AGBL4: variants seen among roughly 807,000 people sequenced by gnomAD.
AGBL4 encodes the protein AGBL carboxypeptidase 4, also known as cytosolic carboxypeptidase 6.
In AGBL4, 58 loss-of-function variants were observed where a neutral mutation model predicts 66.4. The ratio of observed to expected loss-of-function variants is 0.87; its 90% CI spans 0.71 to 1.09. The LOEUF is 1.09. AGBL4 is among the 50% of genes least tolerant of loss of function. AGBL4 has a pLI of 0.00. For synonymous variants in AGBL4, 234 were observed against 222.9 expected (o/e 1.05, Z -0.44); for missense variants, 579 against 631.0 (o/e 0.92, Z 0.88).
intron 6 of AGBL4, chr1:48,761,359 T>C (rs1413891376): frequency 1.3e-6 from 2 of 1,551,966 alleles, no homozygotes; most frequent in Admixed American, 3.9e-5. Flanking sequence ...AAGCTGTAAA[T>C]CTTCTTCCCC....
At position 48,567,676 on chromosome 1, in the gene AGBL4, A is replaced by T. The variant is rs1018660896; in HGVS notation, c.1267+19328T>A. ...CTGCTCTCCACCACTGTCTGAGAGA[A>T]GGGGACCTGTTGGGGGCCTGAAGAA... On this transcript the variant is annotated intron_variant, in intron 11 of 13. Transcript: ENST00000371839. 3.3e-5 allele frequency among the ~76,000 whole-genome samples: 5 copies of T among 152,294 alleles called. No individual in the cohort carries two copies. In the South Asian group the frequency reaches 1.0e-3, roughly 32 times the overall value.
intron 3 of AGBL4, among the ~76,000 whole-genome samples, chr1:49,258,725 A>G (rs1338730126): frequency 6.6e-6 from 1 of 152,220 alleles, no homozygotes; most frequent in Non-Finnish European, 1.5e-5. Flanking sequence ...AAGTTGGAAA[A>G]CACTCTGCAG....
At chr1:49,920,319 A>G (rs1031360612) in intron 1 of AGBL4, among the ~76,000 whole-genome samples, 4 of 152,206 alleles carry the variant, frequency 2.6e-5, no homozygotes, top group African/African-American at 9.7e-5. Flanking sequence ...AGAATGGGAG[A>G]AAATTTTTGC....
At chr1:49,141,871 T>C (rs1646124418) in intron 4 of AGBL4, among the ~76,000 whole-genome samples, 1 of 152,172 alleles carries the variant, frequency 6.6e-6, no homozygotes, top group Non-Finnish European at 1.5e-5. Context: ...AAAGACTAAA[T>C]TTTCTGCTGG....
intron 3 of AGBL4, among the ~76,000 whole-genome samples, chr1:49,278,208 TC>T (rs1644208213): frequency 6.6e-6 from 1 of 152,122 alleles, no homozygotes; most frequent in Admixed American, 6.5e-5. Context: ...CTTTTTTTTT[TC>T]ATTTTGAAAA....
intron 3 of AGBL4, among the ~76,000 whole-genome samples, chr1:49,271,584 G>A (rs370876318): frequency 2.0e-5 from 3 of 149,818 alleles, no homozygotes; most frequent in South Asian, 2.1e-4. Flanking sequence ...TACTTTTGAC[G>A]TTCTCTCTTT....
chr1:48,610,390 G>A (rs375274506), intron 9 of AGBL4, among the ~76,000 whole-genome samples: 2 of 152,182 alleles, frequency 1.3e-5, no homozygotes, highest in South Asian at 4.1e-4. Flanking sequence ...AGACAGTAGA[G>A]ACTACAGTCA....
chr1:49,580,167 C>T (rs1398071596), intron 3 of AGBL4, among the ~76,000 whole-genome samples: 1 of 151,990 alleles, frequency 6.6e-6, no homozygotes, highest in Non-Finnish European at 1.5e-5. Flanking sequence ...TATGGAATAT[C>T]GTTTTCCATG....
At chr1:49,488,274 T>A (rs990424415) in intron 3 of AGBL4, among the ~76,000 whole-genome samples, 1 of 151,748 alleles carries the variant, frequency 6.6e-6, no homozygotes, top group Admixed American at 6.6e-5. Context: ...AGTTGTTATA[T>A]ATTCTTTGTC....
At chr1:49,857,976 A>G (rs1646475312) in intron 1 of AGBL4, among the ~76,000 whole-genome samples, 1 of 152,096 alleles carries the variant, frequency 6.6e-6, no homozygotes, top group African/African-American at 2.4e-5. Context: ...CAAAGGGACT[A>G]ACTCTCTAGA....
chr1:48,828,454 G>A (rs1221935791), intron 6 of AGBL4, among the ~76,000 whole-genome samples: 1 of 152,134 alleles, frequency 6.6e-6, no homozygotes, highest in Admixed American at 6.5e-5. Flanking sequence ...CAGGGTGAGA[G>A]TATCTTCCTA....
At chr1:48,935,994 A>AAG (rs1553127217) in intron 5 of AGBL4, among the ~76,000 whole-genome samples, 6 of 137,030 alleles carry the variant, frequency 4.4e-5, no homozygotes, top group Non-Finnish European at 9.5e-5. Context: ...AAAAAAAAAA[A>AAG]AGATACAAGA....
intron 3 of AGBL4, among the ~76,000 whole-genome samples, chr1:49,287,494 A>G (rs1249100269): frequency 1.3e-5 from 2 of 151,040 alleles, no homozygotes; most frequent in South Asian, 2.1e-4. Context: ...CAGAATCTAC[A>G]AAGAACTCAA....
chr1:49,305,815 C>T (rs992167442), intron 3 of AGBL4, among the ~76,000 whole-genome samples: 1 of 151,980 alleles, frequency 6.6e-6, no homozygotes, highest in Non-Finnish European at 1.5e-5. Context: ...CTCAGCCTCC[C>T]GAGTAGCTGG....
chr1:49,544,838 A>G (rs1216154706), intron 3 of AGBL4, among the ~76,000 whole-genome samples: 1 of 152,198 alleles, frequency 6.6e-6, no homozygotes, highest in Non-Finnish European at 1.5e-5. Context: ...TAACTTAAAG[A>G]TGAAGAAACT....
intron 1 of AGBL4, among the ~76,000 whole-genome samples, chr1:49,860,135 T>C (rs1383565806): frequency 3.3e-5 from 5 of 152,158 alleles, no homozygotes. Context: ...ATGTCAATTC[T>C]CCATATATCG....
chr1:48,896,715 G>T (rs1651547325), intron 5 of AGBL4, among the ~76,000 whole-genome samples: 1 of 152,086 alleles, frequency 6.6e-6, no homozygotes, highest in Admixed American at 6.5e-5. Context: ...AGCATGAAAT[G>T]ATTCTTTTCT....
chr1:48,858,619 C>T (rs1487457948), intron 6 of AGBL4, among the ~76,000 whole-genome samples: 2 of 152,118 alleles, frequency 1.3e-5, no homozygotes, highest in Non-Finnish European at 2.9e-5. Flanking sequence ...AAAATGTCCA[C>T]AATAGGCAAA....
intron 3 of AGBL4, among the ~76,000 whole-genome samples, chr1:49,632,118 G>T (rs1645581640): frequency 6.6e-6 from 1 of 152,172 alleles, no homozygotes; most frequent in Non-Finnish European, 1.5e-5. Flanking sequence ...TAAGAGTGTA[G>T]TAGAGAAAAT....
Sources: gnomAD v4.1 joint callset for allele counts (sites outside exome capture counted in the v4.1 genomes callset) on GRCh38, gnomAD v4.1.1 for gene constraint, MANE v1.5 for transcripts, NCBI Gene and HGNC (gene_info 2026-07-23, HGNC 2026-07-21) for gene names.